SLC41A2: variants seen among roughly 807,000 people sequenced by gnomAD.
The protein encoded by SLC41A2 is solute carrier family 41 member 2.
Under a neutral mutation model 58.3 loss-of-function variants are expected in SLC41A2, and 32 were observed. The observed-to-expected ratio is 0.55, with a 90% CI of 0.41 to 0.74. SLC41A2 has a LOEUF of 0.74. SLC41A2 is among the 30% of genes least tolerant of loss of function. The pLI, the probability that SLC41A2 is intolerant of heterozygous loss-of-function variation, is 0.00. For missense variants in SLC41A2, 514 were observed against 680.6 expected (o/e 0.76, Z 2.72); for synonymous variants, 190 against 235.0 (o/e 0.81, Z 1.75).
intron 10 of SLC41A2, chr12:104,834,148 G>A: frequency 1.0e-6 from 1 of 985,266 alleles, no homozygotes; most frequent in Non-Finnish European, 1.2e-6. Context: ...TTCATCTTCT[G>A]TGCATCACTG....
At chr12:104,831,279 TTAAAAA>T (rs1252236637) in intron 10 of SLC41A2, among the ~76,000 whole-genome samples, 1 of 152,142 alleles carries the variant, frequency 6.6e-6, no homozygotes, top group Non-Finnish European at 1.5e-5. Context: ...TCCCCATGTC[TTAAAAA>T]TAAAATGTCT....
chr12:104,816,556 A>G (rs2041412709), intron 10 of SLC41A2, among the ~76,000 whole-genome samples: 1 of 152,206 alleles, frequency 6.6e-6, no homozygotes, highest in Non-Finnish European at 1.5e-5. Context: ...CACAGCAGAC[A>G]GGAGACAAAA....
rs533481070 is a variant in SLC41A2, at chr12:104,924,765, A to T, written c.555+3208T>A. On this transcript the variant is annotated intron_variant, in intron 2 of 10. Coordinates refer to ENST00000258538, the MANE Select transcript of SLC41A2 (RefSeq NM_001352171.3). Reference sequence around the variant, plus strand: ...GTCTCAAAAAAAAAAAAGAGTCTGGAAGCACCATTCCTCCCAATGTCCATT... The same window carrying T: ...GTCTCAAAAAAAAAAAAGAGTCTGGTAGCACCATTCCTCCCAATGTCCATT... Among the ~76,000 whole-genome samples, 458 of 152,172 alleles carry T rather than the reference A, an allele frequency of 3.0e-3. 2 individuals are homozygous for T. The highest frequency in any genetic ancestry group is 3.7e-3 in the Non-Finnish European group (254 of 68,012).
chr12:104,950,383 A>G (rs2047906014), intron 1 of SLC41A2, among the ~76,000 whole-genome samples: 1 of 151,916 alleles, frequency 6.6e-6, no homozygotes, highest in Non-Finnish European at 1.5e-5. Flanking sequence ...CACTCCTCAC[A>G]CTTCTCTCTC....
At chr12:104,838,256 C>T (rs918168961) in intron 10 of SLC41A2, among the ~76,000 whole-genome samples, 2 of 152,084 alleles carry the variant, frequency 1.3e-5, no homozygotes, top group Admixed American at 6.6e-5. Flanking sequence ...CTGTTAGTGT[C>T]GTAGGTATAT....
intron 2 of SLC41A2, among the ~76,000 whole-genome samples, chr12:104,925,047 C>T (rs1227240136): frequency 2.0e-5 from 3 of 151,996 alleles, no homozygotes; most frequent in Non-Finnish European, 4.4e-5. Flanking sequence ...TAGTGATTAC[C>T]TTTGGTGATG....
chr12:104,952,591 C>G (rs546756216), intron 1 of SLC41A2, among the ~76,000 whole-genome samples: 1 of 152,224 alleles, frequency 6.6e-6, no homozygotes, highest in African/African-American at 2.4e-5. Flanking sequence ...AAGATAAATC[C>G]AACTTCTTTA....
intron 2 of SLC41A2, among the ~76,000 whole-genome samples, chr12:104,917,908 C>A (rs1054045334): frequency 2.0e-5 from 3 of 148,828 alleles, no homozygotes; most frequent in African/African-American, 7.4e-5. Context: ...ACCAGCATGG[C>A]ACATGTATAC....
At chr12:104,877,563 C>T (rs1565864708) in intron 6 of SLC41A2, among the ~76,000 whole-genome samples, 2 of 151,996 alleles carry the variant, frequency 1.3e-5, no homozygotes, top group African/African-American at 4.8e-5. Context: ...AGTAACATTC[C>T]ATTTTACTTT....
intron 6 of SLC41A2, among the ~76,000 whole-genome samples, chr12:104,876,390 T>C (rs1274937494): frequency 6.6e-6 from 1 of 152,192 alleles, no homozygotes; most frequent in Non-Finnish European, 1.5e-5. Context: ...TGCAGGTGTT[T>C]ATCGCTATAA....
In SLC41A2 at chr12:104,881,134, T is replaced by C. The variant is rs190633624; in HGVS notation, c.1027+5159A>G. On this transcript the variant is annotated intron_variant, in intron 6 of 10. Transcript: ENST00000258538. ...GTTTATAGTATTCTCTGATGGTAGT[T>C]TGTATTTCTGTGGGATTGGTGGTGA... 2.3e-3 allele frequency among the ~76,000 whole-genome samples: 355 copies of C among 152,350 alleles called. 3 individuals are homozygous for C. Among genetic ancestry groups the C allele is most frequent in the African/African-American group, 8.2e-3 (339 of 41,586 alleles).
At chr12:104,899,006 C>T (rs1263151798) in intron 3 of SLC41A2, among the ~76,000 whole-genome samples, 2 of 152,112 alleles carry the variant, frequency 1.3e-5, no homozygotes, top group African/African-American at 4.8e-5. Flanking sequence ...GCAACAGGAA[C>T]TCTCATTCAT....
At chr12:104,864,726 T>C (rs1403275384) in intron 7 of SLC41A2, among the ~76,000 whole-genome samples, 1 of 152,186 alleles carries the variant, frequency 6.6e-6, no homozygotes, top group East Asian at 1.9e-4. Flanking sequence ...CTACATAATT[T>C]ATTTCTGCCA....
intron 1 of SLC41A2, among the ~76,000 whole-genome samples, chr12:104,929,267 A>G (rs1373135709): frequency 6.6e-6 from 1 of 152,236 alleles, no homozygotes; most frequent in South Asian, 2.1e-4. Flanking sequence ...CACAAATAAA[A>G]TGAGGCTGGA....
intron 3 of SLC41A2, among the ~76,000 whole-genome samples, chr12:104,905,387 T>C (rs1297089910): frequency 5.3e-5 from 8 of 152,182 alleles, no homozygotes; most frequent in African/African-American, 1.7e-4. Flanking sequence ...GTATTTACAA[T>C]CCCTGAGCTA....
intron 1 of SLC41A2, among the ~76,000 whole-genome samples, chr12:104,930,014 T>C (rs2046992401): frequency 6.6e-6 from 1 of 152,222 alleles, no homozygotes; most frequent in Admixed American, 6.5e-5. Context: ...ACTCACTCAC[T>C]TTCCTTTCCT....
At chr12:104,876,874 G>T (rs896657108) in intron 6 of SLC41A2, among the ~76,000 whole-genome samples, 1 of 152,042 alleles carries the variant, frequency 6.6e-6, no homozygotes, top group African/African-American at 2.4e-5. Context: ...TTGAAAGTGG[G>T]GTACTGAAGT....
intron 8 of SLC41A2, among the ~76,000 whole-genome samples, chr12:104,854,879 G>A (rs10861281): frequency 0.62 from 94,629 of 151,990 alleles, 29,766 homozygotes; most frequent in African/African-American, 0.67. Context: ...CCCCTAGCCC[G>A]TATCTGTGTA....
At chr12:104,811,018 C>T (rs1407562478) in intron 10 of SLC41A2, among the ~76,000 whole-genome samples, 2 of 152,186 alleles carry the variant, frequency 1.3e-5, no homozygotes, top group African/African-American at 4.8e-5. Context: ...TGTGTATCTC[C>T]TTAGTTCAGC....
Sources: allele counts gnomAD v4.1 joint callset (sites outside exome capture counted in the v4.1 genomes callset), GRCh38; gene constraint gnomAD v4.1.1; transcripts MANE v1.5; gene names NCBI Gene and HGNC (gene_info 2026-07-23, HGNC 2026-07-21).